The following PCCA variants were observed in gnomAD, a reference collection of about 807,000 sequenced individuals.
PCCA encodes the protein propionyl-CoA carboxylase alpha chain, mitochondrial.
Under a neutral mutation model 101.3 loss-of-function variants are expected in PCCA, and 74 were observed. The ratio of observed to expected loss-of-function variants is 0.73; its 90% CI spans 0.61 to 0.89. PCCA has a LOEUF of 0.89. PCCA is among the 40% of genes least tolerant of loss of function. The pLI, the probability that PCCA is intolerant of heterozygous loss-of-function variation, is 0.00. For missense variants in PCCA, 891 were observed against 907.0 expected (o/e 0.98, Z 0.23); for synonymous variants, 294 against 313.6 (o/e 0.94, Z 0.66).
chr13:100,282,338 C>T (rs749657459), intron 12 of PCCA, among the ~76,000 whole-genome samples: 3 of 152,254 alleles, frequency 2.0e-5, no homozygotes, highest in Non-Finnish European at 2.9e-5. Flanking sequence ...TGGGCTCCAA[C>T]TTTGGCGGCA....
intron 20 of PCCA, among the ~76,000 whole-genome samples, chr13:100,439,909 T>C (rs2080213118): frequency 6.6e-6 from 1 of 152,062 alleles, no homozygotes; most frequent in Admixed American, 6.6e-5. Flanking sequence ...AAGACTTTTT[T>C]CTTTCTATTT....
intron 19 of PCCA, among the ~76,000 whole-genome samples, chr13:100,420,454 C>T (rs1470019426): frequency 6.6e-6 from 1 of 151,958 alleles, no homozygotes; most frequent in Non-Finnish European, 1.5e-5. Flanking sequence ...GTAGCTCGTG[C>T]CTGTAGTCCC....
chr13:100,360,768 C>T (rs1283631210), intron 18 of PCCA, among the ~76,000 whole-genome samples: 3 of 152,136 alleles, frequency 2.0e-5, no homozygotes, highest in Non-Finnish European at 4.4e-5. Context: ...TCTTACACAG[C>T]ATAACCTTAC....
chr13:100,210,274 G>C (rs1471169831), intron 7 of PCCA, among the ~76,000 whole-genome samples: 13 of 152,182 alleles, frequency 8.5e-5, no homozygotes. Flanking sequence ...CATTGTGCCT[G>C]GCCAACTTGG....
chr13:100,269,916 A>G (rs568099283), intron 11 of PCCA, among the ~76,000 whole-genome samples: 2 of 152,246 alleles, frequency 1.3e-5, no homozygotes, highest in African/African-American at 4.8e-5. Flanking sequence ...GAGGGGAAGG[A>G]TCATTGTTCC....
intron 20 of PCCA, among the ~76,000 whole-genome samples, chr13:100,441,747 T>C (rs963762087): frequency 4.6e-5 from 7 of 152,196 alleles, no homozygotes; most frequent in African/African-American, 1.7e-4. Flanking sequence ...CAAGTCTTAA[T>C]TTTTATGAAG....
chr13:100,469,276 A>G (rs562919109), intron 21 of PCCA, among the ~76,000 whole-genome samples: 1 of 151,488 alleles, frequency 6.6e-6, no homozygotes, highest in East Asian at 2.0e-4. Context: ...AAGGCTTATT[A>G]AGCCTTCAGA....
chr13:100,273,343 C>T lies in PCCA; in HGVS notation c.1062C>T (p.Leu354=), dbSNP rs762711993. 1 of 1,610,286 alleles carries T rather than the reference C, an allele frequency of 6.2e-7. No individual in the cohort carries two copies. Among genetic ancestry groups the T allele is most frequent in the Middle Eastern group, 1.7e-4 (1 of 6,046 alleles). The change falls in exon 12 of 24, where the codon CTC becomes CTT. Residue 354 remains leucine, a synonymous_variant. Transcript: ENST00000376285. The part of the protein sequence containing the change: ...NFYFLEMNTR[L]QVEHPVTECI... ...ATTTCTTGGAAATGAATACAAGACTCCAGGTAACAACAACTGTTATTTATT... is the reference window on the plus strand; with the variant it reads ...ATTTCTTGGAAATGAATACAAGACTTCAGGTAACAACAACTGTTATTTATT...
chr13:100,294,418 A>G (rs578083740), intron 12 of PCCA, among the ~76,000 whole-genome samples: 50 of 152,098 alleles, frequency 3.3e-4, no homozygotes, highest in Non-Finnish European at 5.4e-4. Context: ...GGGGAACCCT[A>G]TAATAGAATC....
chr13:100,233,917 A>G (rs1238825044), intron 7 of PCCA, among the ~76,000 whole-genome samples: 1 of 152,202 alleles, frequency 6.6e-6, no homozygotes, highest in Non-Finnish European at 1.5e-5. Context: ...TTATGTATCC[A>G]TACACACCCA....
intron 8 of PCCA, among the ~76,000 whole-genome samples, chr13:100,256,311 G>A (rs958983275): frequency 1.3e-5 from 2 of 151,918 alleles, no homozygotes; most frequent in Non-Finnish European, 2.9e-5. Flanking sequence ...AGCCTAAATG[G>A]CCCTTCTGAT....
At chr13:100,472,304 G>T (rs1356082612) in intron 21 of PCCA, among the ~76,000 whole-genome samples, 1 of 151,946 alleles carries the variant, frequency 6.6e-6, no homozygotes, top group Non-Finnish European at 1.5e-5. Flanking sequence ...GGTTCTCCGG[G>T]GACCCTCCCC....
intron 20 of PCCA, among the ~76,000 whole-genome samples, chr13:100,436,621 G>T (rs1054677199): frequency 6.6e-6 from 1 of 152,186 alleles, no homozygotes; most frequent in Non-Finnish European, 1.5e-5. Flanking sequence ...CTATTCTCCT[G>T]CCTCAGTGCT....
chr13:100,453,231 G>A (rs2081461419), intron 21 of PCCA, among the ~76,000 whole-genome samples: 1 of 152,128 alleles, frequency 6.6e-6, no homozygotes, highest in Admixed American at 6.5e-5. Context: ...GCCGGGCATG[G>A]TGGCTCACAC....
intron 6 of PCCA, among the ~76,000 whole-genome samples, chr13:100,182,806 A>G (rs567689382): frequency 6.6e-6 from 1 of 152,154 alleles, no homozygotes; most frequent in African/African-American, 2.4e-5. Flanking sequence ...CCCCATTCCT[A>G]GGAAAGGGAC....
At chr13:100,325,456 A>G (rs1663595221) in intron 16 of PCCA, among the ~76,000 whole-genome samples, 1 of 152,206 alleles carries the variant, frequency 6.6e-6, no homozygotes. Context: ...GGCAGCATTA[A>G]GACACCATTA....
At chr13:100,235,625 A>G (rs2060751564) in intron 7 of PCCA, among the ~76,000 whole-genome samples, 1 of 152,220 alleles carries the variant, frequency 6.6e-6, no homozygotes, top group African/African-American at 2.4e-5. Flanking sequence ...AGCTCATTTC[A>G]ACTGCTTTGA....
chr13:100,103,013 A>G, intron 2 of PCCA, 53 bp downstream of exon 2: 1 of 1,188,810 alleles, frequency 8.4e-7, no homozygotes, highest in Non-Finnish European at 1.3e-6. Context: ...TCATGGTTTT[A>G]CTTTCTCGTC....
intron 6 of PCCA, among the ~76,000 whole-genome samples, chr13:100,193,040 G>A (rs768455606): frequency 6.6e-6 from 1 of 152,172 alleles, no homozygotes; most frequent in African/African-American, 2.4e-5. Context: ...ATAGGACACC[G>A]AGTAATAGAT....
Sources: gnomAD v4.1 joint callset for allele counts (sites outside exome capture counted in the v4.1 genomes callset) on GRCh38, gnomAD v4.1.1 for gene constraint, MANE v1.5 for transcripts, NCBI Gene and HGNC (gene_info 2026-07-23, HGNC 2026-07-21) for gene names.